Variants in MARCHF1 observed in about 807,000 individuals in gnomAD.
MARCHF1 encodes the protein E3 ubiquitin-protein ligase MARCHF1.
A neutral mutation model predicts 54.2 loss-of-function variants in MARCHF1; 40 were observed. The observed-to-expected ratio is 0.74, with a 90% CI of 0.57 to 0.96. The LOEUF (loss-of-function observed/expected upper bound fraction) is 0.96. MARCHF1 is among the 40% of genes least tolerant of loss of function. MARCHF1 has a pLI of 0.00. For missense variants in MARCHF1, 586 were observed against 656.5 expected (o/e 0.89, Z 1.17); for synonymous variants, 236 against 236.3 (o/e 1.00, Z 0.01).
At chr4:163,730,766 G>T (rs559374880) in intron 4 of MARCHF1, among the ~76,000 whole-genome samples, 1 of 152,134 alleles carries the variant, frequency 6.6e-6, no homozygotes, top group Non-Finnish European at 1.5e-5. Flanking sequence ...TTAAAAGCCT[G>T]TTTATTTTTT....
chr4:163,778,815 G>A (rs988465541), intron 4 of MARCHF1, among the ~76,000 whole-genome samples: 1 of 152,086 alleles, frequency 6.6e-6, no homozygotes, highest in African/African-American at 2.4e-5. Flanking sequence ...CGTGGATGAT[G>A]TAGAGTGTGG....
chr4:164,348,665 C>A (rs1478797573), intron 1 of MARCHF1, among the ~76,000 whole-genome samples: 1 of 152,036 alleles, frequency 6.6e-6, no homozygotes, highest in African/African-American at 2.4e-5. Context: ...AAACTATGGA[C>A]AGAGAATGAA....
chr4:163,745,797 G>A (rs191288677), intron 4 of MARCHF1, among the ~76,000 whole-genome samples: 40 of 151,908 alleles, frequency 2.6e-4, no homozygotes, highest in Non-Finnish European at 2.2e-4. Flanking sequence ...AAGCTGGGTT[G>A]TTTTGAAGCT....
intron 1 of MARCHF1, among the ~76,000 whole-genome samples, chr4:164,172,077 A>C (rs1730540840): frequency 1.3e-5 from 2 of 152,110 alleles, no homozygotes; most frequent in Admixed American, 1.3e-4. Flanking sequence ...TCTTTACACT[A>C]ATCATGTCTA....
At chr4:164,206,719 A>G (rs1731616959) in intron 1 of MARCHF1, among the ~76,000 whole-genome samples, 1 of 152,106 alleles carries the variant, frequency 6.6e-6, no homozygotes, top group African/African-American at 2.4e-5. Context: ...AGAATATTTT[A>G]TTTTCAAAGA....
chr4:163,680,031 A>C (rs1354714660), intron 5 of MARCHF1, among the ~76,000 whole-genome samples: 1 of 151,248 alleles, frequency 6.6e-6, no homozygotes, highest in Non-Finnish European at 1.5e-5. Context: ...GCTCTTACTA[A>C]AACTCAAGGC....
chr4:163,686,440 A>G (rs1744271066), intron 5 of MARCHF1, among the ~76,000 whole-genome samples: 3 of 147,036 alleles, frequency 2.0e-5, no homozygotes, highest in African/African-American at 7.4e-5. Flanking sequence ...AATTTCTGTT[A>G]TTAGCTTGGT....
At chr4:163,835,891 A>G (rs1418157299) in intron 4 of MARCHF1, among the ~76,000 whole-genome samples, 1 of 152,096 alleles carries the variant, frequency 6.6e-6, no homozygotes, top group Non-Finnish European at 1.5e-5. Flanking sequence ...TTTCTTTATT[A>G]TTACCTGGCT....
intron 1 of MARCHF1, among the ~76,000 whole-genome samples, chr4:164,308,029 C>A (rs1734742597): frequency 6.6e-6 from 1 of 152,184 alleles, no homozygotes; most frequent in Admixed American, 6.5e-5. Flanking sequence ...TCTTTCATAT[C>A]TGCCAGATGG....
intron 5 of MARCHF1, among the ~76,000 whole-genome samples, chr4:163,633,565 G>C (rs189336261): frequency 0.016 from 2,426 of 152,216 alleles, 75 homozygotes; most frequent in African/African-American, 0.051. Context: ...AAAAAGAAAT[G>C]AGCAAAGCCT....
intron 1 of MARCHF1, among the ~76,000 whole-genome samples, chr4:164,337,328 A>G (rs1729768888): frequency 6.6e-6 from 1 of 152,180 alleles, no homozygotes; most frequent in Admixed American, 6.5e-5. Context: ...AAAAAGCTAA[A>G]AAATAATTCA....
At chr4:164,375,214 C>T (rs557862727) in intron 1 of MARCHF1, among the ~76,000 whole-genome samples, 4 of 152,002 alleles carry the variant, frequency 2.6e-5, no homozygotes, top group African/African-American at 9.7e-5. Context: ...TCTAATAGAC[C>T]TTTGTGTGTT....
In MARCHF1 at chr4:163,635,478, A is replaced by C. The variant is rs1182208524; in HGVS notation, c.163-22085T>G. On this transcript the variant is annotated intron_variant, in intron 5 of 9. Transcript: ENST00000514618. ...ATACTACAAACACCTCTACACAAAT[A>C]AACTAGAAAATCTAGAAGAAATGGA... 6.0e-3 allele frequency among the ~76,000 whole-genome samples: 879 copies of C among 147,554 alleles called. 9 individuals carry two copies. Among genetic ancestry groups the C allele is most frequent in the African/African-American group, 0.021 (816 of 38,904 alleles).
intron 3 of MARCHF1, among the ~76,000 whole-genome samples, chr4:163,958,005 T>C (rs2110801866): frequency 6.6e-6 from 1 of 152,152 alleles, no homozygotes; most frequent in East Asian, 1.9e-4. Context: ...AACAGAGCCT[T>C]ACAATAAGAG....
At chr4:163,841,468 C>T (rs200414627) in intron 4 of MARCHF1, among the ~76,000 whole-genome samples, 8 of 92,560 alleles carry the variant, frequency 8.6e-5, no homozygotes, top group South Asian at 7.2e-4. Context: ...AAAAAGAATA[C>T]GAGCCAGTAG....
chr4:164,357,294 C>A (rs374101218), intron 1 of MARCHF1, among the ~76,000 whole-genome samples: 2 of 151,990 alleles, frequency 1.3e-5, no homozygotes, highest in Non-Finnish European at 2.9e-5. Flanking sequence ...CAGCTTCTAG[C>A]GGCCACTTAG....
chr4:163,581,249 CT>C (rs1740221210), intron 8 of MARCHF1, among the ~76,000 whole-genome samples: 2 of 152,142 alleles, frequency 1.3e-5, no homozygotes, highest in Admixed American at 1.3e-4. Flanking sequence ...TTTTTCTCCT[CT>C]GCAAAAGGGT....
In MARCHF1 at chr4:163,752,658, A is replaced by G. The variant is rs114463142; in HGVS notation, c.112-51795T>C. Among the ~76,000 whole-genome samples the G allele has an allele frequency of 4.5e-3, 689 of 152,338 alleles. 4 individuals are homozygous for G. Among genetic ancestry groups the G allele is most frequent in the African/African-American group, 0.016 (655 of 41,588 alleles). ...CAGGATATTCATAATTACTCCTAGA[A>G]TTTTCTGAATGACAAAAGCACTGTG... is the stretch of plus-strand genomic sequence containing the variant. On this transcript the variant is annotated intron_variant, in intron 4 of 9. Coordinates refer to ENST00000514618, the MANE Select transcript of MARCHF1 (RefSeq NM_001394959.1).
Position 164,378,354 on chromosome 4 carries a change from G to A in MARCHF1, c.-323+5516C>T, listed in dbSNP as rs977444515. Among the ~76,000 whole-genome samples, 6 of 152,176 alleles carry A rather than the reference G, an allele frequency of 3.9e-5. No homozygotes were observed. In the East Asian group the frequency reaches 5.8e-4, roughly 15 times the overall value. ...CTCAGTGAGAAGTAAAAGGTGTAGC[G>A]CTCAGCTTGACACATACTTGATTTT... On this transcript the variant is annotated intron_variant, in intron 1 of 9. Transcript: ENST00000514618.
Sources: allele counts gnomAD v4.1 joint callset (sites outside exome capture counted in the v4.1 genomes callset), GRCh38; gene constraint gnomAD v4.1.1; transcripts MANE v1.5; gene names NCBI Gene and HGNC (gene_info 2026-07-23, HGNC 2026-07-21).